KIF1C: variants seen among roughly 807,000 people sequenced by gnomAD.
The protein encoded by KIF1C is kinesin-like protein KIF1C.
In KIF1C, 61 loss-of-function variants were observed where a neutral mutation model predicts 126.5. The ratio of observed to expected loss-of-function variants is 0.48; its 90% confidence interval spans 0.39 to 0.60. The LOEUF (loss-of-function observed/expected upper bound fraction) is 0.60. KIF1C is among the 20% of genes least tolerant of loss of function. KIF1C has a pLI of 0.00. For missense variants in KIF1C, 1,315 were observed against 1,489.2 expected (o/e 0.88, Z 1.93); for synonymous variants, 640 against 580.6 (o/e 1.10, Z -1.47).
chr17:5,002,636 A>G lies in KIF1C; in HGVS notation c.602A>G (p.Lys201Arg). 3 of 1,611,780 alleles carry G rather than the reference A, an allele frequency of 1.9e-6. No individual in the cohort carries two copies. Among genetic ancestry groups the G allele is most frequent in the Non-Finnish European group, 2.5e-6 (3 of 1,178,066 alleles). The change falls in exon 7 of 23, where the codon AAA becomes AGA. Residue 201 changes from lysine (K) to arginine (R), a missense_variant. Physicochemically the swap from Lys to Arg is conservative, Grantham distance 26. Coordinates refer to ENST00000320785, the MANE Select transcript of KIF1C (RefSeq NM_006612.6). The stretch of plus-strand genomic sequence containing the variant: ...GCTGACCTCATGGACTGTGGAAATA[A>G]AGCACGGTGAGGCAGGCTGATGGAG... The part of the protein sequence containing the change: ...DIADLMDCGN[K>R]ARTVAATNMN...
chr17:5,010,446 G>A (rs1329678689), intron 16 of KIF1C, among the ~76,000 whole-genome samples: 1 of 152,084 alleles, frequency 6.6e-6, no homozygotes, highest in Non-Finnish European at 1.5e-5. Flanking sequence ...TCAAATGGTA[G>A]CCATGTAAAA....
rs1203657976 is a variant in KIF1C, at chr17:5,023,108, A to C, written c.2629-360A>C. Among the ~76,000 whole-genome samples the C allele has an allele frequency of 6.6e-6, 1 of 152,118 alleles. No individual in the cohort carries two copies. Among genetic ancestry groups the C allele is most frequent in the Non-Finnish European group, 1.5e-5 (1 of 68,018 alleles). On this transcript the variant is annotated intron_variant, in intron 22 of 22. Transcript: ENST00000320785. The surrounding 1 kb of genome is among the most constrained non-coding windows in gnomAD (Gnocchi z 4.2). ...CGGCTCACTGCAACTTCCGCCTCCCAGGTTCAAGCCATTCTCCTGCCTCAG... is the reference window on the plus strand; with the variant it reads ...CGGCTCACTGCAACTTCCGCCTCCCCGGTTCAAGCCATTCTCCTGCCTCAG...
At chr17:5,003,828 C>T (rs1974663443) in intron 9 of KIF1C, 23 bp from the exon 10 acceptor site, 2 of 1,608,340 alleles carry the variant, frequency 1.2e-6, no homozygotes, top group Non-Finnish European at 1.7e-6. Flanking sequence ...GGTCTCATCC[C>T]CACATTCCTC....
Position 5,022,791 on chromosome 17 carries a change from C to T in KIF1C, c.2628+82C>T. The T allele has an allele frequency of 2.1e-6, 3 of 1,398,968 alleles. No homozygotes were observed. The highest frequency in any genetic ancestry group is 2.8e-6 in the Non-Finnish European group (3 of 1,080,092). 86.7% of individuals were successfully genotyped at this position (1,398,968 alleles called of 1,614,324 possible). ...CTGAACCTTCCATCTCAGAGCCTAA[C>T]CTTCCCCAAGTCTGGAAAAAATTGC... On this transcript the variant is annotated intron_variant, in intron 22 of 22. Coordinates refer to ENST00000320785, the MANE Select transcript of KIF1C (RefSeq NM_006612.6). This position sits in a 1 kb window ranked among gnomAD's most constrained non-coding sequence, Gnocchi z 4.9.
At chr17:5,005,294 C>T (rs1404065066) in intron 13 of KIF1C, among the ~76,000 whole-genome samples, 1 of 152,198 alleles carries the variant, frequency 6.6e-6, no homozygotes, top group Non-Finnish European at 1.5e-5. Context: ...ACAGGTCAAA[C>T]AGTAAATTGT....
At position 5,010,760 on chromosome 17, in the gene KIF1C, T is replaced by A. The variant is rs556215262; in HGVS notation, c.1492-2893T>A. On this transcript the variant is annotated intron_variant, in intron 16 of 22. Transcript: ENST00000320785. ...AGACTCCGTCTCAAAAAAAAAAATT[T>A]TTTTTTTAATCTATATTGCCAAAGT... 3.3e-5 allele frequency among the ~76,000 whole-genome samples: 5 copies of A among 151,822 alleles called. No individual in the cohort carries two copies. The East Asian group carries it at 7.8e-4, about 24-fold the overall frequency.
chr17:5,012,428 TACTTTGGAG>T (rs1237670444), intron 16 of KIF1C, among the ~76,000 whole-genome samples: 6 of 151,972 alleles, frequency 3.9e-5, no homozygotes, highest in Non-Finnish European at 8.8e-5. Flanking sequence ...GCAGGAGGCC[TACTTTGGAG>T]GGAGTGCTCA....
chr17:5,025,688 C>CG lies in KIF1C; in HGVS notation c.*1542dup, dbSNP rs966322198. ...TAAAAAAATTAGCCGGGCATGGTGG[C>CG]GGGGGCCTGTAGTCCCAGCTACTCA... On this transcript the variant is annotated 3_prime_UTR_variant, in exon 23 of 23. Coordinates refer to ENST00000320785, the MANE Select transcript of KIF1C (RefSeq NM_006612.6). The CG allele has an allele frequency of 2.1e-4, 32 of 152,100 alleles. No homozygotes were observed. The highest frequency in any genetic ancestry group is 7.2e-4 in the African/African-American group (30 of 41,420). The allele number at this position is 152,100 out of a possible 1,614,324, so 9.4% of individuals were successfully genotyped here. A position where few individuals can be genotyped will look rare whatever the true frequency, so the allele number is the denominator to read the frequency against.
At chr17:4,999,544 C>T (rs1004762068) in intron 1 of KIF1C, among the ~76,000 whole-genome samples, 1 of 151,858 alleles carries the variant, frequency 6.6e-6, no homozygotes, top group Non-Finnish European at 1.5e-5. Context: ...GACTCTCTGC[C>T]CCTCCTCTCT....
chr17:5,013,563 TGGA>T (rs72401841), intron 16 of KIF1C, 87 bp from the exon 17 acceptor site: 22,143 of 884,770 alleles, frequency 0.025, 383 homozygotes, highest in Non-Finnish European at 0.033. Flanking sequence ...GTGCCAGGAC[TGGA>T]GGGGTGTCTC....
At chr17:5,021,669 T>G (rs1975093720) in intron 21 of KIF1C, among the ~76,000 whole-genome samples, 1 of 151,596 alleles carries the variant, frequency 6.6e-6, no homozygotes, top group Non-Finnish European at 1.5e-5. Flanking sequence ...TTTGTAGAGG[T>G]GGGGGTCTCA....
rs2143388756 is a variant in KIF1C, at chr17:5,022,529, C to T, written c.2448C>T (p.Gly816=). The change falls in exon 22 of 23, where the codon GGC becomes GGT. Residue 816 remains glycine (G), a synonymous_variant. Coordinates refer to ENST00000320785, the MANE Select transcript of KIF1C (RefSeq NM_006612.6). This position sits in a 1 kb window ranked among gnomAD's most constrained non-coding sequence, Gnocchi z 4.9. ...GCGAGGAGGAAGGAGGTGGAGCTGG[C>T]AGTGGTGGTGGCAGTGAGGAGGGAG... ...TVGEEEGGGA[G]SGGGSEEGAR... The T allele has an allele frequency of 1.3e-6, 2 of 1,587,806 alleles. No individual in the cohort carries two copies. The highest frequency in any genetic ancestry group is 1.7e-6 in the Non-Finnish European group (2 of 1,166,260).
chr17:5,010,767 T>TA (rs1408948338), intron 16 of KIF1C, among the ~76,000 whole-genome samples: 21 of 151,944 alleles, frequency 1.4e-4, no homozygotes. Flanking sequence ...ATTTTTTTTT[T>TA]AATCTATATT....
At chr17:5,002,395 A>G in intron 6 of KIF1C, 69 bp from the exon 7 acceptor site, 1 of 1,393,718 alleles carries the variant, frequency 7.2e-7, no homozygotes, top group Non-Finnish European at 9.9e-7. Context: ...TGTCCAGTGG[A>G]GTCAGATTAA....
At chr17:5,017,464 C>G (rs531065974) in intron 18 of KIF1C, among the ~76,000 whole-genome samples, 7 of 151,960 alleles carry the variant, frequency 4.6e-5, no homozygotes, top group Non-Finnish European at 8.8e-5. Context: ...CCACCACACC[C>G]GGCTCATTTT....
At chr17:5,004,100 C>G in intron 11 of KIF1C, 27 bp downstream of exon 11, 1 of 1,485,708 alleles carries the variant, frequency 6.7e-7, no homozygotes, top group Non-Finnish European at 9.4e-7. Flanking sequence ...CTTTCTCTGC[C>G]GACCCTGACA....
intron 16 of KIF1C, chr17:5,011,419 C>T (rs2143346114): frequency 6.6e-6 from 1 of 152,364 alleles, no homozygotes; most frequent in Middle Eastern, 3.4e-3. Flanking sequence ...CTGGGGCTCT[C>T]ACCCCCAGCC....
At chr17:5,005,937 T>G (rs910044274) in intron 13 of KIF1C, among the ~76,000 whole-genome samples, 14 of 151,784 alleles carry the variant, frequency 9.2e-5, no homozygotes, top group Middle Eastern at 3.4e-3. Flanking sequence ...CCTGGCACAG[T>G]GGCTCACGCC....
At chr17:5,004,733 G>A in intron 12 of KIF1C, 88 bp downstream of exon 12, 3 of 1,583,910 alleles carry the variant, frequency 1.9e-6, no homozygotes, top group Non-Finnish European at 1.7e-6. Context: ...CTGCTCGTGA[G>A]ACGGGGGAGA....
Sources: allele counts gnomAD v4.1 joint callset (sites outside exome capture counted in the v4.1 genomes callset), GRCh38; gene constraint gnomAD v4.1.1; non-coding constraint Gnocchi (gnomAD v3.1); transcripts MANE v1.5; gene names NCBI Gene and HGNC (gene_info 2026-07-23, HGNC 2026-07-21).